The following PHF20 variants were observed in gnomAD, a reference collection of about 807,000 sequenced individuals.
The protein encoded by PHF20 is PHD finger protein 20.
PHF20 carries 23 observed loss-of-function variants against 113.5 expected under a neutral mutation model. The observed-to-expected ratio is 0.20, with a 90% CI of 0.15 to 0.29. The LOEUF is 0.29. PHF20 is among the 10% of genes least tolerant of loss of function. The pLI is 1.00. For synonymous variants in PHF20, 434 were observed against 457.3 expected, an observed-to-expected ratio of 0.95 and a Z score of 0.65; for missense variants, 943 against 1,219.6, an observed-to-expected ratio of 0.77 and a Z score of 3.38.
chr20:35,850,496 T>TA (rs2042705950), intron 4 of PHF20, among the ~76,000 whole-genome samples: 1 of 148,548 alleles, frequency 6.7e-6, no homozygotes, highest in African/African-American at 2.5e-5. Flanking sequence ...TATATATATA[T>TA]TTTTAAGGTT....
At chr20:35,932,689 C>T (rs989326648) in intron 15 of PHF20, among the ~76,000 whole-genome samples, 2 of 152,142 alleles carry the variant, frequency 1.3e-5, no homozygotes, top group African/African-American at 2.4e-5. Context: ...CCTCGGCCTC[C>T]GAAATTTCTG....
At position 35,788,586 on chromosome 20, in the gene PHF20, CT is replaced by C. The variant is rs918974134; in HGVS notation, c.-32-12896del. 8.1e-5 allele frequency among the ~76,000 whole-genome samples: 12 copies of C among 148,194 alleles called. No individual in the cohort carries two copies. In the East Asian group the frequency reaches 1.9e-3, roughly 23 times the overall value. The stretch of plus-strand genomic sequence containing the variant: ...GCCAGTGAGAAGGCTGAGGTTACCT[CT>C]TTTTTTTTGAGACGTAGTCTCGCTC... On this transcript the variant is annotated intron_variant, in intron 1 of 17. Transcript: ENST00000374012.
intron 13 of PHF20, among the ~76,000 whole-genome samples, chr20:35,925,543 C>T (rs1251339776): frequency 2.6e-5 from 4 of 151,762 alleles, no homozygotes; most frequent in Non-Finnish European, 5.9e-5. Context: ...GCTGGGATTA[C>T]AGGCATGAGC....
At chr20:35,794,094 A>G (rs1182211138) in intron 1 of PHF20, among the ~76,000 whole-genome samples, 1 of 150,234 alleles carries the variant, frequency 6.7e-6, no homozygotes, top group African/African-American at 2.5e-5. Flanking sequence ...TGAGGTCAGG[A>G]GTTCGAGACC....
At chr20:35,824,185 A>G (rs1287652389) in intron 2 of PHF20, among the ~76,000 whole-genome samples, 4 of 152,210 alleles carry the variant, frequency 2.6e-5, no homozygotes, top group Non-Finnish European at 5.9e-5. Context: ...TCCACCAGGA[A>G]TGTCAGGAAT....
intron 2 of PHF20, among the ~76,000 whole-genome samples, chr20:35,841,275 G>A (rs1350550287): frequency 6.6e-6 from 1 of 152,010 alleles, no homozygotes; most frequent in African/African-American, 2.4e-5. Flanking sequence ...CTGGGGAGAG[G>A]GAGGTTGCAG....
chr20:35,850,751 A>G (rs986804575), intron 4 of PHF20: 18 of 590,622 alleles, frequency 3.0e-5, no homozygotes, highest in Middle Eastern at 4.9e-4. Context: ...GTGTTGTTAT[A>G]TATGTCCACA....
chr20:35,788,096 GTTTA>G (rs985952774), intron 1 of PHF20, among the ~76,000 whole-genome samples: 4 of 150,148 alleles, frequency 2.7e-5, no homozygotes, highest in African/African-American at 7.4e-5. Flanking sequence ...TTATTTATTT[GTTTA>G]TTTATTTATT....
intron 10 of PHF20, among the ~76,000 whole-genome samples, chr20:35,909,029 G>A (rs181088493): frequency 1.3e-5 from 2 of 152,100 alleles, no homozygotes; most frequent in East Asian, 1.9e-4. Context: ...TTCCTTTTCT[G>A]GCTTATTCCA....
chr20:35,845,454 C>G (rs576988599), intron 3 of PHF20: 1 of 347,934 alleles, frequency 2.9e-6, no homozygotes, highest in Non-Finnish European at 6.1e-6. Context: ...TAGCCTTGAC[C>G]TCTTGGGCTC....
intron 5 of PHF20, among the ~76,000 whole-genome samples, chr20:35,861,706 C>G (rs201749889): frequency 2.1e-4 from 32 of 152,176 alleles, no homozygotes; most frequent in Non-Finnish European, 2.4e-4. Flanking sequence ...GAACTCCCAA[C>G]AAGAAGGGCA....
At chr20:35,827,124 T>G (rs919172298) in intron 2 of PHF20, among the ~76,000 whole-genome samples, 7 of 152,120 alleles carry the variant, frequency 4.6e-5, no homozygotes, top group African/African-American at 1.4e-4. Flanking sequence ...AAGCTCTGAT[T>G]TTTTTTCGCT....
intron 6 of PHF20, among the ~76,000 whole-genome samples, chr20:35,866,921 G>T (rs1377781094): frequency 6.6e-6 from 1 of 152,166 alleles, no homozygotes; most frequent in Non-Finnish European, 1.5e-5. Context: ...CCTTGCCCAA[G>T]GCATTTGTGA....
chr20:35,829,445 C>T (rs557708838), intron 2 of PHF20, among the ~76,000 whole-genome samples: 19 of 151,452 alleles, frequency 1.3e-4, no homozygotes, highest in Non-Finnish European at 2.1e-4. Flanking sequence ...TTCTGCCTCC[C>T]GGTGATTCTC....
At chr20:35,894,166 G>A (rs996568546) in intron 9 of PHF20, among the ~76,000 whole-genome samples, 32 of 152,208 alleles carry the variant, frequency 2.1e-4, no homozygotes. Context: ...CTTTCAGGGT[G>A]ATATGCGTCC....
chr20:35,833,627 G>T (rs187965844), intron 2 of PHF20, among the ~76,000 whole-genome samples: 1 of 152,214 alleles, frequency 6.6e-6, no homozygotes, highest in East Asian at 1.9e-4. Context: ...GATACCCTGG[G>T]GGAGATTCAG....
chr20:35,816,050 G>A (rs1397324779), intron 2 of PHF20, among the ~76,000 whole-genome samples: 1 of 151,544 alleles, frequency 6.6e-6, no homozygotes, highest in African/African-American at 2.4e-5. Flanking sequence ...TCCATCTCCG[G>A]GGTTCAAGTG....
chr20:35,913,667 G>T (rs573190589), intron 11 of PHF20, among the ~76,000 whole-genome samples: 1 of 152,318 alleles, frequency 6.6e-6, no homozygotes, highest in East Asian at 1.9e-4. Context: ...TCACACACAC[G>T]ACTCTTAAAA....
intron 7 of PHF20, among the ~76,000 whole-genome samples, chr20:35,870,338 G>A (rs1190965938): frequency 6.7e-6 from 1 of 149,212 alleles, no homozygotes; most frequent in Non-Finnish European, 1.5e-5. Context: ...AAAATTAGCC[G>A]GGTGTGGTGG....
Sources: gnomAD v4.1 joint callset for allele counts (sites outside exome capture counted in the v4.1 genomes callset) on GRCh38, gnomAD v4.1.1 for gene constraint, MANE v1.5 for transcripts, NCBI Gene and HGNC (gene_info 2026-07-23, HGNC 2026-07-21) for gene names.